Variants in KLHL23 observed in about 807,000 individuals in gnomAD.
KLHL23 encodes the protein kelch-like protein 23.
KLHL23 carries 33 observed loss-of-function variants against 48.9 expected under a neutral mutation model. That is an observed-to-expected ratio of 0.67 (90% CI 0.51 to 0.90). The LOEUF (loss-of-function observed/expected upper bound fraction) is 0.90, where lower values mean the gene tolerates loss of function less well. Among genes scored for constraint, KLHL23 ranks in the 40% least tolerant of loss-of-function variants. The pLI is 0.00. For synonymous variants in KLHL23, 234 were observed against 231.6 expected (o/e 1.01, Z -0.09); for missense variants, 608 against 669.6 (o/e 0.91, Z 1.02).
At chr2:169,742,312 C>G (rs1226300629) in intron 3 of KLHL23, among the ~76,000 whole-genome samples, 3 of 152,194 alleles carry the variant, frequency 2.0e-5, no homozygotes, top group East Asian at 3.8e-4. Context: ...TCTGAGAGGA[C>G]TAGTAATACT....
At chr2:169,747,711 A>C (rs1414908764) in intron 3 of KLHL23, among the ~76,000 whole-genome samples, 1 of 152,184 alleles carries the variant, frequency 6.6e-6, no homozygotes, top group Non-Finnish European at 1.5e-5. Context: ...TACAAAGTAC[A>C]ATTCATTCAT....
chr2:169,747,404 A>AAAAAAAAC (rs1553477653), intron 3 of KLHL23, among the ~76,000 whole-genome samples: 44 of 150,620 alleles, frequency 2.9e-4, no homozygotes, highest in Non-Finnish European at 5.9e-4. Context: ...AAAAAAAAAA[A>AAAAAAAAC]AAAACTGAGG....
Position 169,740,766 on chromosome 2 carries a change from T to TAATATATATA in KLHL23, c.1214-619_1214-618insAATATATATA, listed in dbSNP as rs1553477017. ...CCCGGCCTCTATAAGCTTTTTTATA[T>TAATATATATA]TATATATATATATATATATATATAT... On this transcript the variant is annotated intron_variant, in intron 2 of 3. Transcript: ENST00000392647. Among the ~76,000 whole-genome samples, 31 of 125,496 alleles carry TAATATATATA rather than the reference T, an allele frequency of 2.5e-4. 1 individual carries two copies. The highest frequency in any genetic ancestry group is 3.6e-4 in the African/African-American group (12 of 33,030). The allele number at this position is 125,496 out of a possible 152,430, so 82.3% of individuals were successfully genotyped here.
At chr2:169,744,154 C>G (rs984092622) in intron 3 of KLHL23, among the ~76,000 whole-genome samples, 7 of 152,194 alleles carry the variant, frequency 4.6e-5, no homozygotes, top group African/African-American at 1.7e-4. Context: ...AAGTGTTAGT[C>G]TTTACTGCCG....
At position 169,734,098 on chromosome 2, in the gene KLHL23, T is replaced by TGCGGA. The variant is rs1375807004; in HGVS notation, c.-3+12_-3+13insCGGAG. 6.8e-6 allele frequency: 1 copy of TGCGGA among 146,040 alleles called. No homozygotes were observed. Among genetic ancestry groups the TGCGGA allele is most frequent in the African/African-American group, 2.5e-5 (1 of 40,742 alleles). The allele number at this position is 146,040 out of a possible 1,614,324, so 9.0% of individuals were successfully genotyped here. A position where few individuals can be genotyped will look rare whatever the true frequency, so the allele number is the denominator to read the frequency against. The stretch of plus-strand genomic sequence containing the variant: ...GAGCCCCGGCGGGAGGTAGGTGCGG[T>TGCGGA]GTGGACCCGCAGCCCGAGGCCGGCC... On this transcript the variant is annotated intron_variant, in intron 1 of 3. Transcript: ENST00000392647.
rs1006639313 is a variant in KLHL23, at chr2:169,750,677, T to C, written c.*945T>C. 6.6e-6 allele frequency: 1 copy of C among 152,188 alleles called. No individual in the cohort carries two copies. Among genetic ancestry groups the C allele is most frequent in the Admixed American group, 6.5e-5 (1 of 15,278 alleles). The allele number at this position is 152,188 out of a possible 1,614,324, so 9.4% of individuals were successfully genotyped here. A position where few individuals can be genotyped will look rare whatever the true frequency, so the allele number is the denominator to read the frequency against. On this transcript the variant is annotated 3_prime_UTR_variant, in exon 4 of 4. Coordinates refer to ENST00000392647, the MANE Select transcript of KLHL23 (RefSeq NM_144711.6). Reference sequence around the variant, plus strand: ...TGACTACCAGAGATATACAAAATACTGTGCAAAAGATTGTTACTGTTCAAA... The same window carrying C: ...TGACTACCAGAGATATACAAAATACCGTGCAAAAGATTGTTACTGTTCAAA...
intron 1 of KLHL23, 106 bp downstream of exon 1, chr2:169,734,193 G>T (rs1688452927): frequency 2.0e-5 from 3 of 147,328 alleles, no homozygotes; most frequent in Non-Finnish European, 4.5e-5. Flanking sequence ...GGCGCGGGCA[G>T]CGAGGCCGCG....
chr2:169,736,548 C>T (rs1688522565), intron 2 of KLHL23, among the ~76,000 whole-genome samples: 1 of 152,172 alleles, frequency 6.6e-6, no homozygotes, highest in Non-Finnish European at 1.5e-5. Flanking sequence ...CTGATCAGCT[C>T]TCAAGAGGTC....
Position 169,751,299 on chromosome 2 carries a change from A to G in KLHL23, c.*1567A>G, listed in dbSNP as rs1301606380. 1 of 150,444 alleles carries G rather than the reference A, an allele frequency of 6.6e-6. No homozygotes were observed. The highest frequency in any genetic ancestry group is 1.5e-5 in the Non-Finnish European group (1 of 68,006). 9.3% of individuals were successfully genotyped at this position (150,444 alleles called of 1,614,324 possible). ...CACTCTTCATTTTTTAAAAAGAGAC[A>G]ATAATTATTTTTAACTCACTGAAGT... is the stretch of plus-strand genomic sequence containing the variant. On this transcript the variant is annotated 3_prime_UTR_variant, in exon 4 of 4. Transcript: ENST00000392647.
At chr2:169,740,444 T>G (rs965181635) in intron 2 of KLHL23, among the ~76,000 whole-genome samples, 1 of 148,230 alleles carries the variant, frequency 6.7e-6, no homozygotes, top group Non-Finnish European at 1.5e-5. Flanking sequence ...TTTATCCTTA[T>G]TCTATAAGCT....
intron 3 of KLHL23, among the ~76,000 whole-genome samples, chr2:169,747,705 A>G (rs1034469958): frequency 2.0e-5 from 3 of 152,172 alleles, no homozygotes; most frequent in Admixed American, 6.5e-5. Flanking sequence ...CAAGCGTACA[A>G]AGTACAATTC....
At chr2:169,748,421 C>T (rs1020864781) in intron 3 of KLHL23, among the ~76,000 whole-genome samples, 2 of 152,082 alleles carry the variant, frequency 1.3e-5, no homozygotes, top group African/African-American at 2.4e-5. Flanking sequence ...GGGGCTCCAG[C>T]GAAAGGTTTT....
chr2:169,749,847 T>C lies in KLHL23; in HGVS notation c.*115T>C. On this transcript the variant is annotated 3_prime_UTR_variant, in exon 4 of 4. Transcript: ENST00000392647. Reference sequence around the variant, plus strand: ...ATTGTGTCTGGCACATGATAGGGGATCAGTAAATTGTAATTCCTAACCCTA... The same window carrying C: ...ATTGTGTCTGGCACATGATAGGGGACCAGTAAATTGTAATTCCTAACCCTA... 7.7e-7 allele frequency: 1 copy of C among 1,305,992 alleles called. No homozygotes were observed. The highest frequency in any genetic ancestry group is 1.0e-6 in the Non-Finnish European group (1 of 968,088). 80.9% of individuals were successfully genotyped at this position (1,305,992 alleles called of 1,614,324 possible).
chr2:169,741,556 C>G lies in KLHL23; in HGVS notation c.1366+19C>G. ...CATCCAGGTAACAAAAATACTGTCT[C>G]AAATAGTGTATGTTGTGATGTAGTT... On this transcript the variant is annotated intron_variant, in intron 3 of 3. Coordinates refer to ENST00000392647, the MANE Select transcript of KLHL23 (RefSeq NM_144711.6). 6 of 1,606,132 alleles carry G rather than the reference C, an allele frequency of 3.7e-6. No homozygotes were observed. The highest frequency in any genetic ancestry group is 1.3e-5 in the African/African-American group (1 of 74,850).
At position 169,735,695 on chromosome 2, in the gene KLHL23, C is replaced by G; in HGVS notation, c.681C>G (p.Asn227Lys). The G allele has an allele frequency of 6.2e-7, 1 of 1,613,940 alleles. No individual in the cohort carries two copies. Among genetic ancestry groups the G allele is most frequent in the Non-Finnish European group, 8.5e-7 (1 of 1,180,016 alleles). Residue 227 changes from asparagine to lysine, a missense_variant, in exon 2 of 4, where the codon AAC (asparagine) becomes AAG (lysine). Transcript: ENST00000392647. The surrounding 1 kb of genome is among the most constrained non-coding windows in gnomAD (Gnocchi z 4.5). ...TCTATAATCTACTGAGCTATATCAACATTGATATAGATCCAGTGTACTTAA... is the reference window on the plus strand; with the variant it reads ...TCTATAATCTACTGAGCTATATCAAGATTGATATAGATCCAGTGTACTTAA... The part of the protein sequence containing the change: ...ECLYNLLSYI[N>K]IDIDPVYLKT...
At chr2:169,744,363 G>A (rs1389576856) in intron 3 of KLHL23, among the ~76,000 whole-genome samples, 1 of 152,208 alleles carries the variant, frequency 6.6e-6, no homozygotes, top group Non-Finnish European at 1.5e-5. Flanking sequence ...CCCCAAATAA[G>A]GAAGGTAGTT....
At chr2:169,740,768 ATATAT>A (rs1558947736) in intron 2 of KLHL23, among the ~76,000 whole-genome samples, 7 of 41,878 alleles carry the variant, frequency 1.7e-4, no homozygotes, top group Non-Finnish European at 3.0e-4. Flanking sequence ...TTTTTATATT[ATATAT>A]ATATATATAT....
chr2:169,738,137 C>G (rs1039667735), intron 2 of KLHL23, among the ~76,000 whole-genome samples: 3 of 152,174 alleles, frequency 2.0e-5, no homozygotes, highest in African/African-American at 4.8e-5. Flanking sequence ...GAACTCAAAG[C>G]TTTGATTCTT....
chr2:169,736,741 C>T (rs1351153786), intron 2 of KLHL23, among the ~76,000 whole-genome samples: 1 of 152,238 alleles, frequency 6.6e-6, no homozygotes, highest in Non-Finnish European at 1.5e-5. Context: ...GTCTGATAAA[C>T]ACTATTTTCT....
Sources: gnomAD v4.1 joint callset for allele counts (sites outside exome capture counted in the v4.1 genomes callset) on GRCh38, gnomAD v4.1.1 for gene constraint, Gnocchi (gnomAD v3.1) non-coding constraint, MANE v1.5 for transcripts, NCBI Gene and HGNC (gene_info 2026-07-23, HGNC 2026-07-21) for gene names.